The following GRM7 variants were observed in gnomAD, a reference collection of about 807,000 sequenced individuals.
The protein encoded by GRM7 is glutamate metabotropic receptor 7.
Under a neutral mutation model 84.5 loss-of-function variants are expected in GRM7, and 35 were observed. The observed-to-expected ratio is 0.41, with a 90% CI of 0.32 to 0.55. The LOEUF (loss-of-function observed/expected upper bound fraction) is 0.55. Among genes scored for constraint, GRM7 ranks in the 20% least tolerant of loss-of-function variants. GRM7 has a pLI of 0.19. For missense variants in GRM7, 1,003 were observed against 1,194.6 expected (o/e 0.84, Z 2.36); for synonymous variants, 487 against 455.1 (o/e 1.07, Z -0.89).
rs141029901 is a variant in GRM7 at position 7,454,081 on chromosome 3, T to TACACAC, written c.1375+1279_1375+1284dup. On this transcript the variant is annotated intron_variant, in intron 6 of 9. Coordinates refer to ENST00000357716, the MANE Select transcript of GRM7 (RefSeq NM_000844.4). ...GAGCCAAGAACCATACATGAAAAGC[T>TACACAC]ACACACACACTCTCTCTCTCTCTCT... Among the ~76,000 whole-genome samples, 149 of 142,540 alleles carry TACACAC rather than the reference T, an allele frequency of 1.0e-3. 1 individual carries two copies. Among genetic ancestry groups the TACACAC allele is most frequent in the Middle Eastern group, 3.6e-3 (1 of 274 alleles). 93.5% of individuals were successfully genotyped at this position (142,540 alleles called of 152,430 possible). A position where few individuals can be genotyped will look rare whatever the true frequency, so the allele number is the denominator to read the frequency against.
At chr3:6,874,629 C>T (rs1272997910) in intron 1 of GRM7, among the ~76,000 whole-genome samples, 2 of 152,154 alleles carry the variant, frequency 1.3e-5, no homozygotes, top group African/African-American at 2.4e-5. Flanking sequence ...GTGAGAGAGA[C>T]GGAGCTAGGA....
intron 2 of GRM7, among the ~76,000 whole-genome samples, chr3:7,203,944 G>C (rs1029066022): frequency 6.6e-6 from 1 of 152,158 alleles, no homozygotes; most frequent in Admixed American, 6.6e-5. Context: ...TAAGAGTACA[G>C]AAATAGTCAG....
chr3:7,405,587 A>T (rs1695640260), intron 4 of GRM7, among the ~76,000 whole-genome samples: 1 of 152,184 alleles, frequency 6.6e-6, no homozygotes, highest in African/African-American at 2.4e-5. Flanking sequence ...AGATTTATAG[A>T]TTACATTTGT....
At chr3:7,609,815 A>G (rs909667517) in intron 8 of GRM7, among the ~76,000 whole-genome samples, 4 of 152,178 alleles carry the variant, frequency 2.6e-5, no homozygotes, top group African/African-American at 9.7e-5. Flanking sequence ...ACCAGCCAAC[A>G]TTAGAAACCT....
At chr3:6,982,623 A>C (rs1025839434) in intron 1 of GRM7, among the ~76,000 whole-genome samples, 2 of 152,118 alleles carry the variant, frequency 1.3e-5, no homozygotes, top group Admixed American at 6.5e-5. Flanking sequence ...AAAAAAAAAA[A>C]ACCTTTATGT....
At chr3:7,495,321 A>T (rs6800773) in intron 7 of GRM7, among the ~76,000 whole-genome samples, 3,450 of 152,178 alleles carry the variant, frequency 0.023, 134 homozygotes, top group African/African-American at 0.077. Flanking sequence ...ATTTCTCCTC[A>T]AACCCTGGTT....
chr3:7,243,244 A>G (rs1437902182), intron 2 of GRM7, among the ~76,000 whole-genome samples: 3 of 152,134 alleles, frequency 2.0e-5, no homozygotes. Flanking sequence ...AACTGGTAGC[A>G]GAGCTACCAG....
At chr3:7,633,038 G>A (rs1229362827) in intron 8 of GRM7, among the ~76,000 whole-genome samples, 3 of 152,254 alleles carry the variant, frequency 2.0e-5, no homozygotes, top group Non-Finnish European at 4.4e-5. Flanking sequence ...CACAAATGTG[G>A]ATTGATGCTT....
At chr3:7,439,725 GA>G (rs894881369) in intron 5 of GRM7, among the ~76,000 whole-genome samples, 47 of 152,314 alleles carry the variant, frequency 3.1e-4, no homozygotes, top group African/African-American at 1.1e-3. Context: ...ATGCAAGGGG[GA>G]AAATACTTCT....
At chr3:7,324,520 G>T (rs1174072630) in intron 4 of GRM7, among the ~76,000 whole-genome samples, 3 of 152,166 alleles carry the variant, frequency 2.0e-5, no homozygotes, top group Admixed American at 2.0e-4. Flanking sequence ...TTTTCAGTGA[G>T]TATGGATTCC....
chr3:7,099,256 AT>A (rs1457640174), intron 1 of GRM7, among the ~76,000 whole-genome samples: 28 of 135,022 alleles, frequency 2.1e-4, no homozygotes, highest in Admixed American at 1.8e-3. Context: ...GAATACATGT[AT>A]TATACATGTA....
chr3:7,176,942 G>A (rs1352536001), intron 2 of GRM7, among the ~76,000 whole-genome samples: 3 of 152,102 alleles, frequency 2.0e-5, no homozygotes, highest in East Asian at 1.9e-4. Flanking sequence ...CATGTGAAGC[G>A]GAATTAAAGA....
At chr3:7,417,551 A>T (rs1323006631) in intron 5 of GRM7, among the ~76,000 whole-genome samples, 2 of 152,170 alleles carry the variant, frequency 1.3e-5, no homozygotes, top group African/African-American at 4.8e-5. Flanking sequence ...AAAACACTAG[A>T]ACAGGCATGT....
intron 2 of GRM7, among the ~76,000 whole-genome samples, chr3:7,267,135 G>A (rs563437282): frequency 6.6e-6 from 1 of 152,320 alleles, no homozygotes; most frequent in African/African-American, 2.4e-5. Flanking sequence ...AAACACAGAA[G>A]AAGGTGGAAA....
chr3:7,357,944 G>A (rs1312716814), intron 4 of GRM7, among the ~76,000 whole-genome samples: 1 of 152,016 alleles, frequency 6.6e-6, no homozygotes, highest in Non-Finnish European at 1.5e-5. Flanking sequence ...AGACTCATGA[G>A]CTTAACTCAT....
intron 4 of GRM7, among the ~76,000 whole-genome samples, chr3:7,391,506 C>T (rs1256264003): frequency 6.6e-6 from 1 of 151,952 alleles, no homozygotes; most frequent in African/African-American, 2.4e-5. Context: ...GGGAACTGAA[C>T]AATGAGAACA....
chr3:7,665,159 C>A (rs1699634054), intron 8 of GRM7, among the ~76,000 whole-genome samples: 1 of 146,736 alleles, frequency 6.8e-6, no homozygotes, highest in Admixed American at 6.9e-5. Flanking sequence ...AGAATGTTTG[C>A]CCATGATTCT....
chr3:7,090,303 G>A (rs931213858), intron 1 of GRM7, among the ~76,000 whole-genome samples: 1 of 152,128 alleles, frequency 6.6e-6, no homozygotes, highest in Non-Finnish European at 1.5e-5. Flanking sequence ...AGATTAGTGT[G>A]AAAAATATGA....
chr3:7,456,655 G>A (rs779723), intron 6 of GRM7, among the ~76,000 whole-genome samples: 1 of 150,096 alleles, frequency 6.7e-6, no homozygotes, highest in Non-Finnish European at 1.5e-5. Context: ...TAGATCTGAG[G>A]TTGCATGGGA....
Sources: allele counts gnomAD v4.1 joint callset (sites outside exome capture counted in the v4.1 genomes callset), GRCh38; gene constraint gnomAD v4.1.1; transcripts MANE v1.5; gene names NCBI Gene and HGNC (gene_info 2026-07-23, HGNC 2026-07-21).